The following CLCN3 variants were observed in gnomAD, a reference collection of about 807,000 sequenced individuals.
The protein encoded by CLCN3 is Cl-/H+ antiporter 3, also known as H(+)/Cl(-) exchange transporter 3.
A neutral mutation model predicts 83.4 loss-of-function variants in CLCN3; 16 were observed. That is an observed-to-expected ratio of 0.19 (90% CI 0.13 to 0.29). The LOEUF is 0.29. CLCN3 is among the 10% of genes least tolerant of loss of function. CLCN3 has a pLI of 1.00. For synonymous variants in CLCN3, 322 were observed against 346.2 expected, an observed-to-expected ratio of 0.93 and a Z score of 0.78; for missense variants, 544 against 1,006.0, an observed-to-expected ratio of 0.54 and a Z score of 6.21.
At chr4:169,700,570 TA>T (rs2150259433) in intron 9 of CLCN3, among the ~76,000 whole-genome samples, 1 of 152,266 alleles carries the variant, frequency 6.6e-6, no homozygotes, top group South Asian at 2.1e-4. Flanking sequence ...CCTCTTTCAG[TA>T]GTCTTTAAAT....
intron 3 of CLCN3, among the ~76,000 whole-genome samples, chr4:169,682,486 T>C (rs1731983251): frequency 1.3e-5 from 2 of 152,220 alleles, no homozygotes; most frequent in Admixed American, 6.5e-5. Flanking sequence ...GATGTCACTC[T>C]TTCAAGTAAA....
At chr4:169,664,544 A>G (rs1731175779) in intron 2 of CLCN3, among the ~76,000 whole-genome samples, 1 of 152,186 alleles carries the variant, frequency 6.6e-6, no homozygotes, top group African/African-American at 2.4e-5. Flanking sequence ...AGAAAATTAA[A>G]CCTCTTCTTA....
intron 3 of CLCN3, among the ~76,000 whole-genome samples, chr4:169,684,024 G>A (rs1732052643): frequency 1.3e-5 from 2 of 152,146 alleles, no homozygotes; most frequent in African/African-American, 4.8e-5. Flanking sequence ...ATTACAGGTG[G>A]GAGCCACTGC....
At chr4:169,698,876 T>A (rs936601179) in intron 9 of CLCN3, among the ~76,000 whole-genome samples, 1 of 152,206 alleles carries the variant, frequency 6.6e-6, no homozygotes, top group African/African-American at 2.4e-5. Context: ...ATTCCTTGGC[T>A]CCTGGCTGTC....
chr4:169,633,637 C>T (rs1232555565), intron 1 of CLCN3, among the ~76,000 whole-genome samples: 1 of 152,212 alleles, frequency 6.6e-6, no homozygotes, highest in East Asian at 1.9e-4. Flanking sequence ...GCTGCAAATG[C>T]AAGCCACATA....
At chr4:169,704,898 TAAAAG>T (rs903979401) in intron 10 of CLCN3, among the ~76,000 whole-genome samples, 1 of 152,174 alleles carries the variant, frequency 6.6e-6, no homozygotes, top group Non-Finnish European at 1.5e-5. Context: ...TAATATCAAT[TAAAAG>T]GAAAGGACAG....
chr4:169,698,976 A>G (rs1732675244), intron 9 of CLCN3, among the ~76,000 whole-genome samples: 2 of 152,288 alleles, frequency 1.3e-5, no homozygotes, highest in South Asian at 2.1e-4. Flanking sequence ...TCCCTTCCAC[A>G]TTTGAAAAAC....
intron 11 of CLCN3, among the ~76,000 whole-genome samples, chr4:169,710,615 T>C (rs2150271629): frequency 6.6e-6 from 1 of 152,352 alleles, no homozygotes; most frequent in East Asian, 1.9e-4. Context: ...AGATTGAATG[T>C]TCACTTCTGG....
chr4:169,631,154 G>A (rs1773359125), intron 1 of CLCN3, among the ~76,000 whole-genome samples: 1 of 152,156 alleles, frequency 6.6e-6, no homozygotes, highest in Non-Finnish European at 1.5e-5. Context: ...TGACTGGTGT[G>A]AGATGGTGTT....
chr4:169,715,650 T>A (rs1733396342), intron 12 of CLCN3, among the ~76,000 whole-genome samples: 1 of 152,142 alleles, frequency 6.6e-6, no homozygotes, highest in Non-Finnish European at 1.5e-5. Flanking sequence ...AGATAACAAA[T>A]CTGGAACCTT....
At chr4:169,678,588 T>TGGGTA (rs1224086556) in intron 2 of CLCN3, among the ~76,000 whole-genome samples, 3 of 152,190 alleles carry the variant, frequency 2.0e-5, no homozygotes, top group Non-Finnish European at 4.4e-5. Flanking sequence ...TTTGTGTCCC[T>TGGGTA]GGGTACTTGA....
At chr4:169,717,856 G>A (rs1229159383) in intron 12 of CLCN3, 47 of 1,610,924 alleles carry the variant, frequency 2.9e-5, no homozygotes, top group African/African-American at 4.0e-5. Flanking sequence ...AAAGCAGCAC[G>A]TCGAACCCTT....
intron 9 of CLCN3, among the ~76,000 whole-genome samples, chr4:169,700,510 C>T (rs1457567042): frequency 1.3e-5 from 2 of 152,038 alleles, no homozygotes; most frequent in Non-Finnish European, 2.9e-5. Context: ...CTTTGGGAGG[C>T]CTTGGCCTCC....
intron 2 of CLCN3, chr4:169,660,105 G>C (rs1193212895): frequency 6.6e-6 from 7 of 1,064,150 alleles, no homozygotes; most frequent in Non-Finnish European, 7.9e-6. Context: ...GTCATACGTA[G>C]CAGGACCTGA....
At chr4:169,631,788 T>C (rs925550725) in intron 1 of CLCN3, among the ~76,000 whole-genome samples, 6 of 152,286 alleles carry the variant, frequency 3.9e-5, no homozygotes, top group African/African-American at 1.2e-4. Flanking sequence ...CAGAGACTAT[T>C]ATGAACACAT....
At chr4:169,671,391 G>A (rs1258803309) in intron 2 of CLCN3, among the ~76,000 whole-genome samples, 6 of 152,098 alleles carry the variant, frequency 3.9e-5, no homozygotes, top group Admixed American at 6.5e-5. Flanking sequence ...AGTGGGAGTT[G>A]AACAATGAGA....
At chr4:169,700,591 T>G (rs1244575040) in intron 9 of CLCN3, among the ~76,000 whole-genome samples, 3 of 152,180 alleles carry the variant, frequency 2.0e-5, no homozygotes, top group Non-Finnish European at 4.4e-5. Context: ...TGATCTTGCT[T>G]ATGGTGCTTC....
At chr4:169,700,037 A>G (rs1463869561) in intron 9 of CLCN3, among the ~76,000 whole-genome samples, 4 of 152,202 alleles carry the variant, frequency 2.6e-5, no homozygotes, top group African/African-American at 9.7e-5. Context: ...CAGTCAGTTG[A>G]ACTACAAGAA....
rs1733289362 is a variant in CLCN3 at position 169,713,148 on chromosome 4, C to G, written c.2219C>G (p.Ser740Cys). 6.2e-7 allele frequency: 1 copy of G among 1,614,088 alleles called. No homozygotes were observed. The highest frequency in any genetic ancestry group is 1.3e-5 in the African/African-American group (1 of 74,942). Residue 740 changes from serine (S) to cysteine (C), a missense_variant, in exon 12 of 13, where the codon TCT becomes TGT. Ser to Cys is a moderately radical substitution (Grantham distance 112). This residue lies in a region of CLCN3 where 142 missense variants were observed against 225.0 expected (regional missense o/e 0.63). Transcript: ENST00000513761. ...SRVCFAQHTP[S>C]LPAESPRPLK... ...GTGTGTTTTGCACAGCACACCCCAT[C>G]TCTTCCAGCAGAAAGTCCTCGGCCA...
Sources: allele counts gnomAD v4.1 joint callset (sites outside exome capture counted in the v4.1 genomes callset), GRCh38; gene constraint gnomAD v4.1.1; regional missense constraint gnomAD v4.1.1; transcripts MANE v1.5; gene names NCBI Gene and HGNC (gene_info 2026-07-23, HGNC 2026-07-21).